The following TRIM9 variants were observed in gnomAD, a reference collection of about 807,000 sequenced individuals.
The protein encoded by TRIM9 is E3 ubiquitin-protein ligase TRIM9.
Under a neutral mutation model 78.3 loss-of-function variants are expected in TRIM9, and 26 were observed. That is an observed-to-expected ratio of 0.33 (90% confidence interval 0.24 to 0.46). The LOEUF is 0.46. Ranked by LOEUF, TRIM9 falls within the 20% of genes least tolerant of loss-of-function variation. The probability of loss-of-function intolerance (pLI) is 1.00; values close to 1 mark genes in which losing one functional copy is unlikely to be tolerated. For missense variants in TRIM9, 787 were observed against 1,036.4 expected (o/e 0.76, Z 3.30); for synonymous variants, 398 against 416.5 (o/e 0.96, Z 0.54).
At chr14:50,979,286 C>A in intron 12 of TRIM9, 101 bp downstream of exon 12, 1 of 1,598,500 alleles carries the variant, frequency 6.3e-7, no homozygotes, top group Non-Finnish European at 8.5e-7. Context: ...CTGGGCCTTA[C>A]GCTGTCAGCT....
At chr14:51,071,332 C>T (rs557441672) in intron 1 of TRIM9, among the ~76,000 whole-genome samples, 81 of 145,564 alleles carry the variant, frequency 5.6e-4, no homozygotes, top group Admixed American at 1.8e-3. Context: ...GCCGAGACTG[C>T]GCCATTGTAT....
At chr14:51,043,227 T>C (rs1280964056) in intron 1 of TRIM9, among the ~76,000 whole-genome samples, 1 of 152,098 alleles carries the variant, frequency 6.6e-6, no homozygotes, top group African/African-American at 2.4e-5. Flanking sequence ...TGGAGTTATG[T>C]ATAAAAAGAA....
rs1212134472 is a variant in TRIM9, at chr14:51,094,908, G to T, written c.32C>A (p.Pro11His). The T allele has an allele frequency of 6.6e-7, 1 of 1,506,010 alleles. No homozygotes were observed. The highest frequency in any genetic ancestry group is 8.9e-7 in the Non-Finnish European group (1 of 1,128,672). The allele number at this position is 1,506,010 out of a possible 1,614,324, so 93.3% of individuals were successfully genotyped here. The change falls in exon 1 of 13, where the codon CCC (proline) becomes CAC (histidine). Residue 11 changes from proline (P) to histidine (H), a missense_variant. Coordinates refer to ENST00000684578, the MANE Select transcript of TRIM9 (RefSeq NM_001387360.1). Reference sequence around the variant, plus strand: ...CTCCCGATAGAAGGAGCCGCACACGGGGCATTTCAACTCCTCTTCCATCTC... The same window carrying T: ...CTCCCGATAGAAGGAGCCGCACACGTGGCATTTCAACTCCTCTTCCATCTC... MEEMEEELKC[P>H]VCGSFYREPI...
intron 11 of TRIM9, 36 bp downstream of exon 11, chr14:50,981,764 A>T (rs1300943512): frequency 6.2e-7 from 1 of 1,611,100 alleles, no homozygotes; most frequent in South Asian, 1.1e-5. Context: ...TCAGAAGCCA[A>T]CGTGAAGAAG....
chr14:51,042,969 C>T (rs1443970676), intron 1 of TRIM9, among the ~76,000 whole-genome samples: 1 of 152,076 alleles, frequency 6.6e-6, no homozygotes, highest in Non-Finnish European at 1.5e-5. Flanking sequence ...TATATCTATT[C>T]CTGGCATAAA....
intron 6 of TRIM9, among the ~76,000 whole-genome samples, chr14:50,999,149 A>C (rs2054610188): frequency 6.6e-6 from 1 of 152,162 alleles, no homozygotes; most frequent in Admixed American, 6.5e-5. Context: ...TCCCAGGTGA[A>C]ACCAATGCTG....
intron 1 of TRIM9, among the ~76,000 whole-genome samples, chr14:51,075,282 C>T (rs1398581570): frequency 1.3e-5 from 2 of 152,144 alleles, no homozygotes; most frequent in Admixed American, 6.5e-5. Flanking sequence ...ACTCCCACGC[C>T]TACTCCACGT....
intron 5 of TRIM9, among the ~76,000 whole-genome samples, chr14:51,001,828 T>C (rs1241982056): frequency 6.6e-6 from 1 of 152,178 alleles, no homozygotes; most frequent in Non-Finnish European, 1.5e-5. Flanking sequence ...AGGTCAAGTC[T>C]ACTCATTTTC....
chr14:51,070,621 T>C (rs1378092568), intron 1 of TRIM9, among the ~76,000 whole-genome samples: 1 of 152,000 alleles, frequency 6.6e-6, no homozygotes, highest in Admixed American at 6.6e-5. Context: ...TATCTCTGAG[T>C]GTCATATTGG....
intron 12 of TRIM9, 44 bp from the exon 13 acceptor site, chr14:50,977,397 CCT>C (rs769179957): frequency 4.5e-5 from 65 of 1,441,564 alleles, no homozygotes; most frequent in Non-Finnish European, 1.8e-5. Context: ...CGTGCATCCC[CCT>C]GTCCCTTTAC....
intron 1 of TRIM9, among the ~76,000 whole-genome samples, chr14:51,093,053 G>GT (rs2064528958): frequency 6.6e-6 from 1 of 151,950 alleles, no homozygotes; most frequent in African/African-American, 2.4e-5. Flanking sequence ...TTGAGGAACA[G>GT]TAAGAAGCAG....
chr14:50,977,295 G>A lies in TRIM9; in HGVS notation c.2384C>T (p.Ala795Val). The A allele has an allele frequency of 1.3e-6, 2 of 1,536,368 alleles. 1 individual carries two copies. Among genetic ancestry groups the A allele is most frequent in the South Asian group, 2.5e-5 (2 of 80,150 alleles). Reference protein sequence around the residue: ...PDFYSSRASIA With the variant: ...PDFYSSRASIV ...TGGCGCCTCCACGGCACATCCTTAG[G>A]CTATTGATGCTCTGCTGGAGTAGAA... Residue 795 changes from alanine to valine, a missense_variant, in exon 13 of 13, where the codon GCC becomes GTC. Ala to Val is a moderately conservative substitution (Grantham distance 64). Coordinates refer to ENST00000684578, the MANE Select transcript of TRIM9 (RefSeq NM_001387360.1).
intron 1 of TRIM9, among the ~76,000 whole-genome samples, chr14:51,053,472 C>T (rs2060597197): frequency 6.9e-6 from 1 of 145,552 alleles, no homozygotes; most frequent in African/African-American, 2.5e-5. Flanking sequence ...GTCTCAGACA[C>T]ACAAGCTCAA....
Position 51,094,741 on chromosome 14 carries a change from TGTCCAG to T in TRIM9, c.193_198del (p.Leu65_Asp66del). ...TCCGCCTCGCTGTATAGGCTCATCT[TGTCCAG>T]GTCCAGATAGTCATAGTCGGAGACC... On this transcript the variant is annotated inframe_deletion, in exon 1 of 13. Coordinates refer to ENST00000684578, the MANE Select transcript of TRIM9 (RefSeq NM_001387360.1). 2.6e-6 allele frequency: 4 copies of T among 1,540,824 alleles called. No individual in the cohort carries two copies. Among genetic ancestry groups the T allele is most frequent in the Non-Finnish European group, 2.6e-6 (3 of 1,144,526 alleles).
At chr14:51,064,896 A>C (rs2061618843) in intron 1 of TRIM9, among the ~76,000 whole-genome samples, 1 of 152,144 alleles carries the variant, frequency 6.6e-6, no homozygotes. Context: ...TAAATCATAA[A>C]TATTGAAATC....
At chr14:51,061,941 A>G (rs1256295664) in intron 1 of TRIM9, among the ~76,000 whole-genome samples, 1 of 152,100 alleles carries the variant, frequency 6.6e-6, no homozygotes, top group Non-Finnish European at 1.5e-5. Context: ...AGGCCATATG[A>G]TATTATCCCA....
chr14:51,037,269 A>G lies in TRIM9; in HGVS notation c.823-11909T>C, dbSNP rs759283491. Among the ~76,000 whole-genome samples the G allele has an allele frequency of 2.6e-5, 4 of 152,232 alleles. No homozygotes were observed. In the East Asian group the frequency reaches 7.7e-4, roughly 29 times the overall value. On this transcript the variant is annotated intron_variant, in intron 1 of 12. Transcript: ENST00000684578. Reference sequence around the variant, plus strand: ...TAATACAGAGAGCCACTTTATACAAATGTATTGCTTTTAAATATGATTGTG... The same window carrying G: ...TAATACAGAGAGCCACTTTATACAAGTGTATTGCTTTTAAATATGATTGTG...
At chr14:51,064,039 C>A (rs961801570) in intron 1 of TRIM9, among the ~76,000 whole-genome samples, 10 of 151,930 alleles carry the variant, frequency 6.6e-5, no homozygotes, top group Admixed American at 6.6e-5. Context: ...TATTATGGAA[C>A]TTACAACATA....
Position 51,015,815 on chromosome 14 carries a change from T to C in TRIM9, c.1042-5321A>G, listed in dbSNP as rs1434777578. On this transcript the variant is annotated intron_variant, in intron 3 of 12. Coordinates refer to ENST00000684578, the MANE Select transcript of TRIM9 (RefSeq NM_001387360.1). ...GCCACCACACCTGGCCAGTGCTTTT[T>C]CCTATAGTACTCTCTCTCATCATAG... Among the ~76,000 whole-genome samples the C allele has an allele frequency of 3.3e-5, 5 of 152,314 alleles. No individual in the cohort carries two copies. In the East Asian group the frequency reaches 9.7e-4, roughly 29 times the overall value.
Sources: allele counts gnomAD v4.1 joint callset (sites outside exome capture counted in the v4.1 genomes callset), GRCh38; gene constraint gnomAD v4.1.1; transcripts MANE v1.5; gene names NCBI Gene and HGNC (gene_info 2026-07-23, HGNC 2026-07-21).